Variants in RNGTT observed in about 807,000 individuals in gnomAD.
RNGTT encodes the protein RNA guanylyltransferase and 5'-phosphatase.
In RNGTT, 33 loss-of-function variants were observed where a neutral mutation model predicts 79.3. The observed-to-expected ratio is 0.42, with a 90% CI of 0.32 to 0.56. RNGTT has a LOEUF of 0.56. Among genes scored for constraint, RNGTT ranks in the 20% least tolerant of loss-of-function variants. The probability of loss-of-function intolerance (pLI) is 0.17; values close to 1 mark genes in which losing one functional copy is unlikely to be tolerated. For missense variants in RNGTT, 497 were observed against 739.1 expected (o/e 0.67, Z 3.80); for synonymous variants, 222 against 235.9 (o/e 0.94, Z 0.54).
intron 14 of RNGTT, among the ~76,000 whole-genome samples, chr6:88,670,501 A>T (rs527672610): frequency 1.1e-3 from 173 of 152,328 alleles, no homozygotes; most frequent in Middle Eastern, 6.8e-3. Flanking sequence ...AAAGGGGGGA[A>T]TAAGGAAGGA....
At chr6:88,655,173 C>T (rs1287900643) in intron 14 of RNGTT, among the ~76,000 whole-genome samples, 1 of 152,128 alleles carries the variant, frequency 6.6e-6, no homozygotes, top group Non-Finnish European at 1.5e-5. Flanking sequence ...TAGCATATTT[C>T]AGTCTTTTAT....
chr6:88,903,306 G>C (rs1783536311), intron 6 of RNGTT, among the ~76,000 whole-genome samples: 1 of 152,086 alleles, frequency 6.6e-6, no homozygotes, highest in Non-Finnish European at 1.5e-5. Flanking sequence ...GGGAGGTCAA[G>C]GCTGGGCTGC....
intron 14 of RNGTT, among the ~76,000 whole-genome samples, chr6:88,657,257 T>C (rs1352968178): frequency 6.6e-6 from 1 of 152,154 alleles, no homozygotes; most frequent in Non-Finnish European, 1.5e-5. Context: ...CTGGAAAACC[T>C]GAAAATCCAG....
intron 13 of RNGTT, among the ~76,000 whole-genome samples, chr6:88,714,027 C>T (rs1776413625): frequency 6.6e-6 from 1 of 152,152 alleles, no homozygotes; most frequent in Non-Finnish European, 1.5e-5. Context: ...CACTTCCAAT[C>T]TCAATGCACT....
chr6:88,613,554 T>C (rs997982796), intron 15 of RNGTT, among the ~76,000 whole-genome samples: 1 of 152,234 alleles, frequency 6.6e-6, no homozygotes, highest in South Asian at 2.1e-4. Flanking sequence ...GCAATTTCAA[T>C]ATTTTCTCAT....
At chr6:88,790,521 A>G (rs778757109) in intron 12 of RNGTT, among the ~76,000 whole-genome samples, 9 of 152,206 alleles carry the variant, frequency 5.9e-5, no homozygotes, top group South Asian at 2.1e-4. Flanking sequence ...CTACTCCAAG[A>G]ATAGTAAGAG....
chr6:88,867,457 T>C (rs1474078785), intron 8 of RNGTT, among the ~76,000 whole-genome samples: 1 of 151,626 alleles, frequency 6.6e-6, no homozygotes, highest in Non-Finnish European at 1.5e-5. Flanking sequence ...CACTCTAACC[T>C]GGGCAACAGA....
chr6:88,804,105 C>T (rs1339325749), intron 11 of RNGTT, among the ~76,000 whole-genome samples: 23 of 152,160 alleles, frequency 1.5e-4, no homozygotes, highest in Admixed American at 1.4e-3. Flanking sequence ...CATAACTCCT[C>T]ATGAGATGTG....
chr6:88,873,527 A>C (rs533198279), intron 8 of RNGTT, among the ~76,000 whole-genome samples: 3 of 152,230 alleles, frequency 2.0e-5, no homozygotes, highest in Non-Finnish European at 4.4e-5. Flanking sequence ...CACTTAAAAA[A>C]TTGTGGAATG....
chr6:88,757,793 T>C (rs943319613), intron 13 of RNGTT, among the ~76,000 whole-genome samples: 2 of 152,192 alleles, frequency 1.3e-5, no homozygotes, highest in South Asian at 4.1e-4. Flanking sequence ...ACTATAAGAT[T>C]TGAAGTCACA....
chr6:88,851,691 A>G (rs1418206745), intron 9 of RNGTT, among the ~76,000 whole-genome samples: 2 of 152,060 alleles, frequency 1.3e-5, no homozygotes, highest in Non-Finnish European at 2.9e-5. Flanking sequence ...CAGTCAGACA[A>G]TTAGGTGGTT....
At chr6:88,783,488 A>G (rs186662663) in intron 12 of RNGTT, among the ~76,000 whole-genome samples, 1 of 152,310 alleles carries the variant, frequency 6.6e-6, no homozygotes, top group East Asian at 1.9e-4. Context: ...TTATTTCACA[A>G]TGTATATCAA....
chr6:88,949,173 A>AAG (rs1785154298), intron 1 of RNGTT, among the ~76,000 whole-genome samples: 2 of 143,972 alleles, frequency 1.4e-5, no homozygotes, highest in East Asian at 3.9e-4. Flanking sequence ...AAAAAAAAAA[A>AAG]AAAAAGAAAA....
chr6:88,945,181 G>T (rs74934176), intron 1 of RNGTT, among the ~76,000 whole-genome samples: 1 of 152,084 alleles, frequency 6.6e-6, no homozygotes, highest in African/African-American at 2.4e-5. Context: ...CACTCTATCC[G>T]AAAGGTAGGA....
intron 11 of RNGTT, among the ~76,000 whole-genome samples, chr6:88,806,159 C>T (rs145529133): frequency 2.6e-5 from 4 of 152,044 alleles, no homozygotes; most frequent in African/African-American, 9.7e-5. Flanking sequence ...CACACACACA[C>T]ATACACAAAG....
chr6:88,659,175 C>T (rs760543623), intron 14 of RNGTT, among the ~76,000 whole-genome samples: 24 of 152,144 alleles, frequency 1.6e-4, no homozygotes, highest in Non-Finnish European at 4.4e-5. Flanking sequence ...GATCTATCCA[C>T]TGAAACAGTC....
chr6:88,818,781 A>C (rs1213676234), intron 11 of RNGTT, among the ~76,000 whole-genome samples: 1 of 152,234 alleles, frequency 6.6e-6, no homozygotes, highest in African/African-American at 2.4e-5. Flanking sequence ...ATACATACTG[A>C]GAACAGTTTT....
intron 8 of RNGTT, among the ~76,000 whole-genome samples, chr6:88,878,520 C>A (rs369655103): frequency 6.6e-6 from 1 of 152,116 alleles, no homozygotes; most frequent in Non-Finnish European, 1.5e-5. Flanking sequence ...GACACCTCCA[C>A]AAAAACTCTA....
rs143500066 is a variant in RNGTT, at chr6:88,706,169, T to C, written c.1440-27750A>G. ...AATCAGCAGCAGCAAGCAAGCATCA[T>C]GAGACAAGTCTTAGAATGAATATGC... On this transcript the variant is annotated intron_variant, in intron 13 of 15. Coordinates refer to ENST00000369485, the MANE Select transcript of RNGTT (RefSeq NM_003800.5). Among the ~76,000 whole-genome samples the C allele has an allele frequency of 4.3e-3, 661 of 152,210 alleles. 3 individuals carry two copies. The highest frequency in any genetic ancestry group is 6.3e-3 in the Non-Finnish European group (431 of 67,970).
Sources: allele counts gnomAD v4.1 joint callset (sites outside exome capture counted in the v4.1 genomes callset), GRCh38; gene constraint gnomAD v4.1.1; transcripts MANE v1.5; gene names NCBI Gene and HGNC (gene_info 2026-07-23, HGNC 2026-07-21).